The following RYR2 variants were observed in gnomAD, a reference collection of about 807,000 sequenced individuals.
The protein encoded by RYR2 is cardiac muscle ryanodine receptor-calcium release channel.
In RYR2, 227 loss-of-function variants were observed where a neutral mutation model predicts 601.1. The observed-to-expected ratio is 0.38, with a 90% confidence interval of 0.34 to 0.42. The LOEUF is 0.42. Ranked by LOEUF, RYR2 falls within the 10% of genes least tolerant of loss-of-function variation. The probability of loss-of-function intolerance (pLI) is 1.00; values close to 1 mark genes in which losing one functional copy is unlikely to be tolerated. For missense variants in RYR2, 4,646 were observed against 6,156.5 expected, an observed-to-expected ratio of 0.75 and a Z score of 8.21; for synonymous variants, 2,223 against 2,175.1, an observed-to-expected ratio of 1.02 and a Z score of -0.61.
At chr1:237,056,855 C>G (rs984329732) in intron 1 of RYR2, among the ~76,000 whole-genome samples, 1 of 152,174 alleles carries the variant, frequency 6.6e-6, no homozygotes, top group Non-Finnish European at 1.5e-5. Context: ...AGCACTAGGG[C>G]TGAGAGAGGC....
chr1:237,706,927 A>C lies in RYR2; in HGVS notation c.9581-22A>C, dbSNP rs772453688. The C allele has an allele frequency of 3.8e-6, 6 of 1,583,844 alleles. No individual in the cohort carries two copies. In the African/African-American group the frequency reaches 8.1e-5, roughly 21 times the overall value. On this transcript the variant is annotated intron_variant, in intron 67 of 104. Coordinates refer to ENST00000366574, the MANE Select transcript of RYR2 (RefSeq NM_001035.3). ...TCAGTACTTTCTTTGAATATCATCC[A>C]TTTTTATATGTACTTCTCCAGCTCT...
At chr1:237,300,756 G>A (rs1693268096) in intron 2 of RYR2, among the ~76,000 whole-genome samples, 1 of 152,064 alleles carries the variant, frequency 6.6e-6, no homozygotes, top group Admixed American at 6.6e-5. Context: ...AAAGCATACC[G>A]GTGACCTTTC....
chr1:237,473,477 C>CTTTCTTTCTTTCTTTCTT (rs1553464755), intron 17 of RYR2, among the ~76,000 whole-genome samples: 25 of 145,622 alleles, frequency 1.7e-4, no homozygotes, highest in Admixed American at 2.8e-4. Context: ...ATCTATCTAT[C>CTTTCTTTCTTTCTTTCTT]TGGCATATAT....
rs1308734138 is a variant in RYR2 at position 237,566,747 on chromosome 1, A to G, written c.3395A>G (p.Glu1132Gly). 1 of 1,613,830 alleles carries G rather than the reference A, an allele frequency of 6.2e-7. No homozygotes were observed. The highest frequency in any genetic ancestry group is 8.5e-7 in the Non-Finnish European group (1 of 1,179,870). ...CCGGATCAGGAGCTTGGCTCAGATGAACGTGCCTTTGCCTTTGATGGCTTC... is the reference window on the plus strand; with the variant it reads ...CCGGATCAGGAGCTTGGCTCAGATGGACGTGCCTTTGCCTTTGATGGCTTC... ...CQPDQELGSD[E>G]RAFAFDGFKA... Residue 1132 changes from glutamate (E) to glycine (G), a missense_variant, in exon 28 of 105, where the codon GAA (glutamate) becomes GGA (glycine). Glu to Gly is a moderately conservative substitution (Grantham distance 98, BLOSUM62 -2). This residue lies in a region of RYR2 where 1,807 missense variants were observed against 2,088.1 expected (regional missense o/e 0.87). Coordinates refer to ENST00000366574, the MANE Select transcript of RYR2 (RefSeq NM_001035.3).
intron 12 of RYR2, among the ~76,000 whole-genome samples, chr1:237,432,468 C>T (rs1215305561): frequency 6.6e-6 from 1 of 151,964 alleles, no homozygotes; most frequent in Non-Finnish European, 1.5e-5. Flanking sequence ...TCTGGTGAGT[C>T]GAAGTGGTAT....
intron 2 of RYR2, among the ~76,000 whole-genome samples, chr1:237,290,575 A>G (rs1010042324): frequency 9.2e-5 from 14 of 152,216 alleles, no homozygotes; most frequent in African/African-American, 3.1e-4. Context: ...ACAAAGCAAA[A>G]TAAAGATGTA....
At chr1:237,745,605 A>C (rs1692004464) in intron 80 of RYR2, among the ~76,000 whole-genome samples, 1 of 152,218 alleles carries the variant, frequency 6.6e-6, no homozygotes, top group South Asian at 2.1e-4. Context: ...CTCATTCAGA[A>C]AAGAAGTCCG....
intron 17 of RYR2, among the ~76,000 whole-genome samples, chr1:237,475,059 C>G (rs777535752): frequency 7.9e-5 from 12 of 151,812 alleles, no homozygotes; most frequent in Non-Finnish European, 1.2e-4. Flanking sequence ...ATGCCAGATA[C>G]TATTTTATAT....
At chr1:237,807,067 T>G (rs1574037544) in intron 99 of RYR2, among the ~76,000 whole-genome samples, 1 of 152,216 alleles carries the variant, frequency 6.6e-6, no homozygotes, top group African/African-American at 2.4e-5. Context: ...AGCTTTGAAC[T>G]GGGTCCACAG....
chr1:237,684,614 G>A (rs188659496), intron 62 of RYR2, among the ~76,000 whole-genome samples: 12 of 152,240 alleles, frequency 7.9e-5, no homozygotes, highest in Admixed American at 1.3e-4. Context: ...AAAAAGAATC[G>A]TTTCGAAGAA....
At chr1:237,356,182 G>T (rs565046867) in intron 4 of RYR2, among the ~76,000 whole-genome samples, 197 bp downstream of exon 4, 1 of 151,700 alleles carries the variant, frequency 6.6e-6, no homozygotes, top group African/African-American at 2.4e-5. Context: ...TCTGAAATGG[G>T]GCATATTAAA....
intron 6 of RYR2, 106 bp from the exon 7 acceptor site, chr1:237,374,611 T>C: frequency 1.2e-6 from 1 of 869,514 alleles, no homozygotes; most frequent in East Asian, 2.8e-5. Context: ...TGAGCTGTGA[T>C]CACGCCACTG....
chr1:237,043,607 CCTAGTT>C (rs1300003913), intron 1 of RYR2, among the ~76,000 whole-genome samples: 1 of 152,126 alleles, frequency 6.6e-6, no homozygotes, highest in Admixed American at 6.5e-5. Context: ...CTAATAATAA[CCTAGTT>C]AGCATCCTTT....
chr1:237,730,644 A>G (rs1452633719), intron 77 of RYR2, among the ~76,000 whole-genome samples: 1 of 152,132 alleles, frequency 6.6e-6, no homozygotes, highest in Non-Finnish European at 1.5e-5. Flanking sequence ...TTCCTTCTCA[A>G]AGCACCTATA....
intron 1 of RYR2, among the ~76,000 whole-genome samples, chr1:237,218,665 T>C (rs1683448775): frequency 6.6e-6 from 1 of 152,134 alleles, no homozygotes; most frequent in African/African-American, 2.4e-5. Flanking sequence ...AGTCAAATGC[T>C]GGGGTATGGG....
chr1:237,159,271 A>G (rs1319665251), intron 1 of RYR2, among the ~76,000 whole-genome samples: 2 of 152,130 alleles, frequency 1.3e-5, no homozygotes, highest in African/African-American at 4.8e-5. Context: ...AGCCTGGGCA[A>G]CAAGAGTGAA....
chr1:237,792,859 G>C (rs189492268), intron 94 of RYR2, among the ~76,000 whole-genome samples: 1 of 152,150 alleles, frequency 6.6e-6, no homozygotes, highest in Admixed American at 6.5e-5. Context: ...TGTCAATCCT[G>C]GGAGTCATTT....
intron 1 of RYR2, among the ~76,000 whole-genome samples, chr1:237,145,478 G>A (rs558004758): frequency 1.7e-4 from 26 of 152,236 alleles, no homozygotes; most frequent in African/African-American, 5.5e-4. Context: ...ATCTCCTGGC[G>A]CCATATGCAA....
rs538219498 is a variant in RYR2 at position 237,196,201 on chromosome 1, G to A, written c.49-74296G>A. On this transcript the variant is annotated intron_variant, in intron 1 of 104. Transcript: ENST00000366574. ...TTCTAGTAACAAATTATCTTCAGAA[G>A]CATTTTTAACTACAATAAATATATT... 1.2e-4 allele frequency among the ~76,000 whole-genome samples: 18 copies of A among 152,206 alleles called. No homozygotes were observed. In the East Asian group the frequency reaches 3.3e-3, roughly 28 times the overall value.
Sources: gnomAD v4.1 joint callset for allele counts (sites outside exome capture counted in the v4.1 genomes callset) on GRCh38, gnomAD v4.1.1 for gene constraint, gnomAD v4.1.1 regional missense constraint, MANE v1.5 for transcripts, NCBI Gene and HGNC (gene_info 2026-07-23, HGNC 2026-07-21) for gene names.